Variants in CNTNAP2 observed in about 807,000 individuals in gnomAD.
The protein encoded by CNTNAP2 is contactin associated protein 2.
CNTNAP2 carries 98 observed loss-of-function variants against 155.2 expected under a neutral mutation model. That is an observed-to-expected ratio of 0.63 (90% CI 0.54 to 0.75). The LOEUF (loss-of-function observed/expected upper bound fraction) is 0.75, where lower values mean the gene tolerates loss of function less well. Among genes scored for constraint, CNTNAP2 ranks in the 30% least tolerant of loss-of-function variants. The pLI is 0.00. For missense variants in CNTNAP2, 1,727 were observed against 1,688.1 expected, an observed-to-expected ratio of 1.02 and a Z score of -0.40; for synonymous variants, 651 against 631.2, an observed-to-expected ratio of 1.03 and a Z score of -0.47.
chr7:147,976,737 G>A (rs1454816851), intron 14 of CNTNAP2, among the ~76,000 whole-genome samples: 1 of 152,032 alleles, frequency 6.6e-6, no homozygotes, highest in Non-Finnish European at 1.5e-5. Context: ...TTCAAGACAG[G>A]CCTCCAAGTT....
At chr7:146,530,463 T>C (rs1367693965) in intron 1 of CNTNAP2, among the ~76,000 whole-genome samples, 1 of 151,808 alleles carries the variant, frequency 6.6e-6, no homozygotes, top group Non-Finnish European at 1.5e-5. Flanking sequence ...TGGGAGAAAA[T>C]AGTTACAAAC....
chr7:148,002,222 C>G (rs1801911119), intron 15 of CNTNAP2, among the ~76,000 whole-genome samples: 1 of 152,038 alleles, frequency 6.6e-6, no homozygotes, highest in African/African-American at 2.4e-5. Flanking sequence ...CTCCCATCCA[C>G]CCTCCAGCCA....
In CNTNAP2 at chr7:148,380,932, G is replaced by A. The variant is rs144137784; in HGVS notation, c.3476-2717G>A. Among the ~76,000 whole-genome samples, 898 of 152,362 alleles carry A rather than the reference G, an allele frequency of 5.9e-3. 3 individuals carry two copies. Among genetic ancestry groups the A allele is most frequent in the Middle Eastern group, 0.01 (3 of 294 alleles). On this transcript the variant is annotated intron_variant, in intron 21 of 23. Coordinates refer to ENST00000361727, the MANE Select transcript of CNTNAP2 (RefSeq NM_014141.6). Reference sequence around the variant, plus strand: ...TTCAACTCCTCATGGGAGGAAGCACGCATGTGAATGAGGCAGGAACTGGAG... The same window carrying A: ...TTCAACTCCTCATGGGAGGAAGCACACATGTGAATGAGGCAGGAACTGGAG...
chr7:147,752,515 G>A (rs968570074), intron 13 of CNTNAP2, among the ~76,000 whole-genome samples: 2 of 152,192 alleles, frequency 1.3e-5, no homozygotes, highest in African/African-American at 4.8e-5. Context: ...GAGCTCCTGT[G>A]TGTGTACAGG....
chr7:146,973,429 C>T (rs1163549318), intron 3 of CNTNAP2, among the ~76,000 whole-genome samples: 2 of 152,194 alleles, frequency 1.3e-5, no homozygotes, highest in East Asian at 1.9e-4. Flanking sequence ...ACTGAAAGTA[C>T]TATTAGCCAG....
At chr7:146,410,320 A>G (rs1361934329) in intron 1 of CNTNAP2, among the ~76,000 whole-genome samples, 1 of 152,172 alleles carries the variant, frequency 6.6e-6, no homozygotes, top group Non-Finnish European at 1.5e-5. Context: ...GGAAAAACTG[A>G]GTAGTTATGA....
rs139294410 is a variant in CNTNAP2 at position 147,137,873 on chromosome 7, G to A, written c.1348+5364G>A. 8.0e-3 allele frequency among the ~76,000 whole-genome samples: 1,117 copies of A among 140,142 alleles called. 7 individuals are homozygous for A. The highest frequency in any genetic ancestry group is 0.027 in the African/African-American group (1,049 of 39,318). The allele number at this position is 140,142 out of a possible 152,430, so 91.9% of individuals were successfully genotyped here. A position where few individuals can be genotyped will look rare whatever the true frequency, so the allele number is the denominator to read the frequency against. ...AAATGATTGGAAAATAGATAGATAC[G>A]TAGATAGATAGATAGATAGATAGAT... On this transcript the variant is annotated intron_variant, in intron 8 of 23. Coordinates refer to ENST00000361727, the MANE Select transcript of CNTNAP2 (RefSeq NM_014141.6).
chr7:147,882,495 GT>G (rs1359221336), intron 13 of CNTNAP2, among the ~76,000 whole-genome samples: 1 of 152,226 alleles, frequency 6.6e-6, no homozygotes, highest in Non-Finnish European at 1.5e-5. Context: ...AGAGAACAGA[GT>G]TACTTTGTGA....
At chr7:146,285,559 T>C (rs563410032) in intron 1 of CNTNAP2, among the ~76,000 whole-genome samples, 10 of 152,140 alleles carry the variant, frequency 6.6e-5, no homozygotes, top group African/African-American at 2.4e-4. Flanking sequence ...GAAAATGTTA[T>C]CTTTCTCTTT....
intron 1 of CNTNAP2, among the ~76,000 whole-genome samples, chr7:146,234,613 T>G (rs1450947966): frequency 2.3e-4 from 35 of 151,404 alleles, no homozygotes; most frequent in Admixed American, 2.1e-3. Context: ...GTTTAAGTCT[T>G]TAATCCATCT....
intron 1 of CNTNAP2, among the ~76,000 whole-genome samples, chr7:146,612,475 AAG>A (rs1799154561): frequency 6.6e-6 from 1 of 152,136 alleles, no homozygotes. Flanking sequence ...GGTTTAATAT[AAG>A]AACAAAAAGG....
chr7:146,957,372 C>T (rs867496118), intron 3 of CNTNAP2, among the ~76,000 whole-genome samples: 7 of 152,144 alleles, frequency 4.6e-5, no homozygotes, highest in Non-Finnish European at 7.4e-5. Flanking sequence ...ATCATATAGG[C>T]AGTGTGTCCT....
At chr7:148,051,848 A>C (rs1802894301) in intron 15 of CNTNAP2, among the ~76,000 whole-genome samples, 1 of 152,210 alleles carries the variant, frequency 6.6e-6, no homozygotes, top group African/African-American at 2.4e-5. Context: ...AAATTTTAAA[A>C]AGCCCTTGTG....
At chr7:146,774,171 A>G (rs1195273675) in intron 1 of CNTNAP2, 100 bp from the exon 2 acceptor site, 4 of 827,036 alleles carry the variant, frequency 4.8e-6, no homozygotes, top group Non-Finnish European at 6.0e-6. Flanking sequence ...AGATACATAA[A>G]AGACATATCA....
intron 15 of CNTNAP2, among the ~76,000 whole-genome samples, chr7:148,087,831 A>C (rs1397909592): frequency 6.6e-6 from 1 of 152,140 alleles, no homozygotes; most frequent in African/African-American, 2.4e-5. Context: ...CTGCTGCTTA[A>C]CTATATTTAC....
chr7:147,365,460 T>C (rs1322973616), intron 9 of CNTNAP2, among the ~76,000 whole-genome samples: 1 of 151,424 alleles, frequency 6.6e-6, no homozygotes, highest in East Asian at 1.9e-4. Context: ...TGTTTCTGGC[T>C]ATTGTCACAC....
At chr7:147,490,366 A>C (rs1403607587) in intron 11 of CNTNAP2, among the ~76,000 whole-genome samples, 3 of 152,242 alleles carry the variant, frequency 2.0e-5, no homozygotes, top group Non-Finnish European at 4.4e-5. Flanking sequence ...ACAATTGTAC[A>C]TTCCGTATGC....
intron 14 of CNTNAP2, among the ~76,000 whole-genome samples, chr7:147,919,977 CA>C (rs1800240899): frequency 6.6e-6 from 1 of 152,100 alleles, no homozygotes; most frequent in South Asian, 2.1e-4. Context: ...GTGATGTCAT[CA>C]AAAAGACCCC....
In CNTNAP2 at chr7:148,099,113, C is replaced by T. The variant is rs147667321; in HGVS notation, c.2384-19005C>T. Among the ~76,000 whole-genome samples the T allele has an allele frequency of 7.4e-3, 1,122 of 152,198 alleles. 5 individuals carry two copies. The highest frequency in any genetic ancestry group is 0.013 in the Non-Finnish European group (860 of 68,014). ...GGAAAGAGCACTATTGTGGAAGCGA[C>T]GAAACCCAGGTGTGTAAAAATAGAA... On this transcript the variant is annotated intron_variant, in intron 15 of 23. Coordinates refer to ENST00000361727, the MANE Select transcript of CNTNAP2 (RefSeq NM_014141.6).
Sources: allele counts gnomAD v4.1 joint callset (sites outside exome capture counted in the v4.1 genomes callset), GRCh38; gene constraint gnomAD v4.1.1; transcripts MANE v1.5; gene names NCBI Gene and HGNC (gene_info 2026-07-23, HGNC 2026-07-21).